The following ZFHX3 variants were observed in gnomAD, a reference collection of about 807,000 sequenced individuals.
ZFHX3 encodes zinc finger homeobox 3.
Under a neutral mutation model 279.1 loss-of-function variants are expected in ZFHX3, and 42 were observed. That is an observed-to-expected ratio of 0.15 (90% CI 0.12 to 0.19). The LOEUF is 0.19. Among genes scored for constraint, ZFHX3 ranks in the 10% least tolerant of loss-of-function variants. ZFHX3 has a pLI of 1.00. For missense variants in ZFHX3, 4,981 were observed against 4,754.0 expected, an observed-to-expected ratio of 1.05 and a Z score of -1.40; for synonymous variants, 2,293 against 1,957.8, an observed-to-expected ratio of 1.17 and a Z score of -4.52.
chr16:73,642,942 G>A (rs2052586975), intron 2 of ZFHX3, among the ~76,000 whole-genome samples: 1 of 152,138 alleles, frequency 6.6e-6, no homozygotes, highest in Admixed American at 6.5e-5. Context: ...GAATGGTGGG[G>A]TACGATGGAA....
intron 2 of ZFHX3, among the ~76,000 whole-genome samples, chr16:73,458,811 G>C (rs1205030698): frequency 4.3e-4 from 66 of 152,074 alleles, no homozygotes; most frequent in Non-Finnish European, 1.8e-4. Flanking sequence ...TCTTTTCCCT[G>C]TTTTAAATAA....
chr16:73,366,862 G>T (rs2016539975), intron 3 of ZFHX3, among the ~76,000 whole-genome samples: 3 of 152,148 alleles, frequency 2.0e-5, no homozygotes. Context: ...GTACCACAGA[G>T]AATGTTCATT....
intron 4 of ZFHX3, among the ~76,000 whole-genome samples, chr16:73,269,738 C>CT (rs1567435714): frequency 6.6e-6 from 1 of 151,652 alleles, no homozygotes; most frequent in Admixed American, 6.6e-5. Context: ...ATATATTTTT[C>CT]TTTTTTGCTT....
chr16:72,918,749 G>T (rs528493882), intron 3 of ZFHX3, among the ~76,000 whole-genome samples: 1 of 150,184 alleles, frequency 6.7e-6, no homozygotes, highest in African/African-American at 2.5e-5. Context: ...AGGCTGGAGC[G>T]CAGTGGTGAA....
At chr16:73,522,359 A>G (rs1165027659) in intron 2 of ZFHX3, among the ~76,000 whole-genome samples, 1 of 152,196 alleles carries the variant, frequency 6.6e-6, no homozygotes, top group Non-Finnish European at 1.5e-5. Flanking sequence ...CGCTTGTTCA[A>G]TTGGATTCTG....
intron 1 of ZFHX3, among the ~76,000 whole-genome samples, chr16:72,972,576 C>T (rs998318398): frequency 6.6e-6 from 1 of 152,170 alleles, no homozygotes; most frequent in Non-Finnish European, 1.5e-5. Flanking sequence ...CAAGCCCCAG[C>T]CCAGAGCACA....
At chr16:73,813,398 G>A (rs1754303896) in intron 1 of ZFHX3, among the ~76,000 whole-genome samples, 1 of 151,524 alleles carries the variant, frequency 6.6e-6, no homozygotes, top group African/African-American at 2.4e-5. Flanking sequence ...CTCAACTCTG[G>A]GCATGTTTTG....
chr16:73,745,441 C>A (rs1018725059), intron 1 of ZFHX3, among the ~76,000 whole-genome samples: 1 of 152,148 alleles, frequency 6.6e-6, no homozygotes, highest in Non-Finnish European at 1.5e-5. Flanking sequence ...CTGGGTCAGA[C>A]ACAAAGGCCC....
intron 3 of ZFHX3, among the ~76,000 whole-genome samples, chr16:73,405,001 G>A (rs1316668458): frequency 6.6e-6 from 1 of 152,184 alleles, no homozygotes; most frequent in African/African-American, 2.4e-5. Flanking sequence ...GGTCCAAGGT[G>A]GCAGAGAAAT....
At chr16:73,079,487 CA>C (rs1250848874) in intron 8 of ZFHX3, among the ~76,000 whole-genome samples, 1 of 151,192 alleles carries the variant, frequency 6.6e-6, no homozygotes. Context: ...ACTCTGTCTC[CA>C]AAAAAAACCA....
At chr16:72,850,629 T>G (rs2037592369) in intron 4 of ZFHX3, among the ~76,000 whole-genome samples, 1 of 135,926 alleles carries the variant, frequency 7.4e-6, no homozygotes, top group South Asian at 2.6e-4. Flanking sequence ...ACCAGGGCAT[T>G]AACACCAGAG....
intron 1 of ZFHX3, among the ~76,000 whole-genome samples, chr16:73,690,335 G>A (rs7203717): frequency 0.17 from 26,328 of 152,110 alleles, 2,698 homozygotes; most frequent in African/African-American, 0.28. Flanking sequence ...GTGATTACCA[G>A]CTAACATGGT....
At chr16:73,855,207 G>A (rs1215039692) in intron 1 of ZFHX3, among the ~76,000 whole-genome samples, 2 of 149,742 alleles carry the variant, frequency 1.3e-5, no homozygotes, top group Non-Finnish European at 2.9e-5. Flanking sequence ...GCATTAATAA[G>A]GCGTTAGCCT....
At chr16:72,989,196 A>T (rs533729248) in intron 1 of ZFHX3, among the ~76,000 whole-genome samples, 2,010 of 151,108 alleles carry the variant, frequency 0.013, 50 homozygotes, top group African/African-American at 0.047. Context: ...AAAAAAAATT[A>T]AAACAGAGCC....
chr16:72,949,428 T>C (rs535752532), intron 3 of ZFHX3, among the ~76,000 whole-genome samples: 5 of 152,350 alleles, frequency 3.3e-5, no homozygotes, highest in Non-Finnish European at 7.3e-5. Flanking sequence ...TGATTGTTCA[T>C]ACTAAAGCCA....
At position 72,950,786 on chromosome 16, in the gene ZFHX3, C is replaced by A. The variant is rs776123634; in HGVS notation, c.2899G>T (p.Val967Leu). The A allele has an allele frequency of 6.2e-7, 1 of 1,614,248 alleles. No homozygotes were observed. The highest frequency in any genetic ancestry group is 1.1e-5 in the South Asian group (1 of 91,086). ...NLDMLGLHMN[V>L]ERSLSEDEWK... is the part of the protein sequence containing the mutation. ...TCGTCCTCCGACAGGCTGCGCTCCA[C>A]GTTCATGTGCAGGCCCAGCATGTCC... Residue 967 changes from valine (V) to leucine (L), a missense_variant, in exon 3 of 10, where the codon GTG becomes TTG. Physicochemically the swap from Val to Leu is conservative, Grantham distance 32. This residue lies in a region of ZFHX3 where 1,751 missense variants were observed against 1,770.0 expected (regional missense o/e 0.99). Transcript: ENST00000268489.
chr16:73,558,856 G>T (rs1200703618), intron 2 of ZFHX3, among the ~76,000 whole-genome samples: 1 of 151,676 alleles, frequency 6.6e-6, no homozygotes, highest in East Asian at 1.9e-4. Flanking sequence ...GGGATTACAG[G>T]CACCTGCCAC....
intron 4 of ZFHX3, among the ~76,000 whole-genome samples, chr16:72,840,312 A>C (rs1355521772): frequency 6.6e-6 from 1 of 152,202 alleles, no homozygotes; most frequent in Non-Finnish European, 1.5e-5. Flanking sequence ...CCTAATGGGC[A>C]TAAGTGAAAC....
At chr16:73,698,798 G>T (rs375398000) in intron 1 of ZFHX3, among the ~76,000 whole-genome samples, 1 of 152,166 alleles carries the variant, frequency 6.6e-6, no homozygotes, top group South Asian at 2.1e-4. Context: ...TTAATGCAAC[G>T]TAGGGTCCTG....
Sources: allele counts gnomAD v4.1 joint callset (sites outside exome capture counted in the v4.1 genomes callset), GRCh38; gene constraint gnomAD v4.1.1; regional missense constraint gnomAD v4.1.1; transcripts MANE v1.5; gene names NCBI Gene and HGNC (gene_info 2026-07-23, HGNC 2026-07-21).